Variants in CDK19 observed in about 807,000 individuals in gnomAD.
CDK19 encodes the protein cyclin dependent kinase 19.
A neutral mutation model predicts 68.3 loss-of-function variants in CDK19; 20 were observed. That is an observed-to-expected ratio of 0.29 (90% CI 0.21 to 0.43). The LOEUF (loss-of-function observed/expected upper bound fraction) is 0.43, where lower values mean the gene tolerates loss of function less well. Ranked by LOEUF, CDK19 falls within the 20% of genes least tolerant of loss-of-function variation. The pLI, the probability that CDK19 is intolerant of heterozygous loss-of-function variation, is 1.00. For missense variants in CDK19, 339 were observed against 623.5 expected, an observed-to-expected ratio of 0.54 and a Z score of 4.86; for synonymous variants, 221 against 222.8, an observed-to-expected ratio of 0.99 and a Z score of 0.07.
intron 2 of CDK19, 39 bp downstream of exon 2, chr6:110,746,087 T>C: frequency 9.6e-7 from 1 of 1,037,600 alleles, no homozygotes; most frequent in Non-Finnish European, 1.4e-6. Flanking sequence ...TCACCCAATA[T>C]CAATAATAAA....
chr6:110,706,130 G>A lies in CDK19; in HGVS notation c.205-35589C>T, dbSNP rs139593323. Among the ~76,000 whole-genome samples the A allele has an allele frequency of 4.6e-5, 7 of 152,130 alleles. No individual in the cohort carries two copies. The East Asian group carries it at 1.4e-3, about 29-fold the overall frequency. ...TGCAATGGCGTGATCTCTGCTTACT[G>A]CAGCCTCTGCCTCCTGGGTTGATGT... On this transcript the variant is annotated intron_variant, in intron 2 of 12. Transcript: ENST00000368911.
chr6:110,712,934 G>C (rs954027309), intron 2 of CDK19, among the ~76,000 whole-genome samples: 1 of 152,160 alleles, frequency 6.6e-6, no homozygotes, highest in African/African-American at 2.4e-5. Flanking sequence ...ATATGGCCGG[G>C]TGTGGTGGCT....
chr6:110,738,615 T>C (rs1307697692), intron 2 of CDK19, among the ~76,000 whole-genome samples: 1 of 152,144 alleles, frequency 6.6e-6, no homozygotes, highest in African/African-American at 2.4e-5. Flanking sequence ...TTTCTCACTA[T>C]ACATATAATT....
intron 1 of CDK19, among the ~76,000 whole-genome samples, chr6:110,768,166 A>G (rs1779723120): frequency 6.6e-6 from 1 of 152,240 alleles, no homozygotes; most frequent in Non-Finnish European, 1.5e-5. Flanking sequence ...CTCTCATGTC[A>G]TTAGAGGTTG....
chr6:110,702,643 T>A (rs1295179509), intron 2 of CDK19, among the ~76,000 whole-genome samples: 3 of 151,900 alleles, frequency 2.0e-5, no homozygotes, highest in Non-Finnish European at 4.4e-5. Flanking sequence ...AAAATAAATT[T>A]AAAAAATGAC....
rs1339717619 is a variant in CDK19, at chr6:110,614,285, A to G, written c.*250T>C. ...TACAGAAGTGCTGGGATTAGATCAGACGCTTTATCAGAGAAGTCACAATGG... is the reference window on the plus strand; with the variant it reads ...TACAGAAGTGCTGGGATTAGATCAGGCGCTTTATCAGAGAAGTCACAATGG... On this transcript the variant is annotated 3_prime_UTR_variant, in exon 13 of 13. Coordinates refer to ENST00000368911, the MANE Select transcript of CDK19 (RefSeq NM_015076.5). The G allele has an allele frequency of 2.8e-6, 1 of 354,082 alleles. No homozygotes were observed. Among genetic ancestry groups the G allele is most frequent in the Non-Finnish European group, 5.2e-6 (1 of 193,126 alleles). The allele number at this position is 354,082 out of a possible 1,614,324, so 21.9% of individuals were successfully genotyped here.
In CDK19 at chr6:110,648,354, G is replaced by C. The variant is rs559452575; in HGVS notation, c.457-9648C>G. On this transcript the variant is annotated intron_variant, in intron 4 of 12. Coordinates refer to ENST00000368911, the MANE Select transcript of CDK19 (RefSeq NM_015076.5). ...AGTAACAGAGCTTAGCAAGATGTCTGGCTAACTGAATAATATGAAAGAGTC... is the reference window on the plus strand; with the variant it reads ...AGTAACAGAGCTTAGCAAGATGTCTCGCTAACTGAATAATATGAAAGAGTC... Among the ~76,000 whole-genome samples, 10 of 151,930 alleles carry C rather than the reference G, an allele frequency of 6.6e-5. No homozygotes were observed. The East Asian group carries it at 1.9e-3, about 29-fold the overall frequency.
chr6:110,638,830 T>A, intron 4 of CDK19, 124 bp from the exon 5 acceptor site: 1 of 641,492 alleles, frequency 1.6e-6, no homozygotes, highest in Non-Finnish European at 2.8e-6. Flanking sequence ...AATCAAATAT[T>A]AAGCACCCTC....
At chr6:110,756,728 C>T (rs1487730497) in intron 1 of CDK19, among the ~76,000 whole-genome samples, 1 of 151,820 alleles carries the variant, frequency 6.6e-6, no homozygotes, top group African/African-American at 2.4e-5. Context: ...GGGCAGACAG[C>T]CAAAAGAACA....
chr6:110,642,240 C>T (rs908055118), intron 4 of CDK19, among the ~76,000 whole-genome samples: 3 of 142,686 alleles, frequency 2.1e-5, no homozygotes, highest in African/African-American at 5.2e-5. Flanking sequence ...AGCGGGAAAG[C>T]GGAGGTTGCA....
intron 1 of CDK19, among the ~76,000 whole-genome samples, chr6:110,799,081 T>G (rs184575253): frequency 1.0e-4 from 15 of 145,422 alleles, no homozygotes; most frequent in Middle Eastern, 3.5e-3. Flanking sequence ...AGGTTGAGGT[T>G]GCAGTGAGCT....
chr6:110,784,154 G>A (rs1255613525), intron 1 of CDK19, among the ~76,000 whole-genome samples: 11 of 92,466 alleles, frequency 1.2e-4, no homozygotes, highest in East Asian at 5.0e-4. Context: ...GCAAGACTTC[G>A]TCTCAAAAAA....
intron 1 of CDK19, among the ~76,000 whole-genome samples, chr6:110,784,188 AAAAG>A (rs1356378199): frequency 1.3e-5 from 2 of 151,514 alleles, no homozygotes; most frequent in Admixed American, 1.3e-4. Context: ...GGAAAGGAGA[AAAAG>A]AAAGTGAAAA....
At chr6:110,797,498 TAAGA>T (rs1457772965) in intron 1 of CDK19, among the ~76,000 whole-genome samples, 1 of 150,364 alleles carries the variant, frequency 6.7e-6, no homozygotes, top group Non-Finnish European at 1.5e-5. Context: ...AACCTCTTAT[TAAGA>T]AAGAAAAAAA....
At chr6:110,662,591 C>A (rs773711621) in intron 4 of CDK19, among the ~76,000 whole-genome samples, 1 of 152,088 alleles carries the variant, frequency 6.6e-6, no homozygotes, top group East Asian at 1.9e-4. Flanking sequence ...TATGCCAATG[C>A]TGGGACTACA....
At chr6:110,812,041 T>C (rs552858299) in intron 1 of CDK19, among the ~76,000 whole-genome samples, 2 of 151,574 alleles carry the variant, frequency 1.3e-5, no homozygotes, top group Non-Finnish European at 2.9e-5. Flanking sequence ...CTACAAAAAA[T>C]ATTCAAAAGT....
At chr6:110,622,632 T>C (rs1778788816) in intron 10 of CDK19, among the ~76,000 whole-genome samples, 183 bp downstream of exon 10, 1 of 152,222 alleles carries the variant, frequency 6.6e-6, no homozygotes, top group African/African-American at 2.4e-5. Flanking sequence ...AAAATACTTG[T>C]TTTCATTCAT....
chr6:110,751,320 C>T (rs115211220), intron 1 of CDK19, among the ~76,000 whole-genome samples: 7 of 152,240 alleles, frequency 4.6e-5, no homozygotes, highest in East Asian at 3.9e-4. Flanking sequence ...CTCCACCTCC[C>T]GTCAGATCAG....
At chr6:110,795,125 C>T (rs918044356) in intron 1 of CDK19, among the ~76,000 whole-genome samples, 1 of 152,088 alleles carries the variant, frequency 6.6e-6, no homozygotes, top group Admixed American at 6.5e-5. Flanking sequence ...TGCATGTCAC[C>T]ATGCCTGGAT....
Sources: allele counts gnomAD v4.1 joint callset (sites outside exome capture counted in the v4.1 genomes callset), GRCh38; gene constraint gnomAD v4.1.1; transcripts MANE v1.5; gene names NCBI Gene and HGNC (gene_info 2026-07-23, HGNC 2026-07-21).